The following RGS14 variants were observed in gnomAD, a reference collection of about 807,000 sequenced individuals.
RGS14 encodes regulator of G-protein signaling 14.
RGS14 carries 33 observed loss-of-function variants against 63.8 expected under a neutral mutation model. That is an observed-to-expected ratio of 0.52 (90% CI 0.39 to 0.69). RGS14 has a LOEUF of 0.69. RGS14 is among the 30% of genes least tolerant of loss of function. The pLI, the probability that RGS14 is intolerant of heterozygous loss-of-function variation, is 0.00. For missense variants in RGS14, 739 were observed against 742.9 expected (o/e 0.99, Z 0.06); for synonymous variants, 296 against 320.9 (o/e 0.92, Z 0.83).
chr5:177,369,851 A>G (rs1318675024), intron 9 of RGS14, among the ~76,000 whole-genome samples: 1 of 152,198 alleles, frequency 6.6e-6, no homozygotes, highest in African/African-American at 2.4e-5. Flanking sequence ...CATACATGCT[A>G]AATATAACTT....
rs776882208 is a variant in RGS14 at position 177,371,053 on chromosome 5, CGGGGCGGGGCG to C, written c.1254+26_1254+36del. The C allele has an allele frequency of 7.7e-6, 8 of 1,040,294 alleles. No individual in the cohort carries two copies. Among genetic ancestry groups the C allele is most frequent in the Non-Finnish European group, 9.4e-6 (8 of 853,746 alleles). 64.4% of individuals were successfully genotyped at this position (1,040,294 alleles called of 1,614,324 possible). On this transcript the variant is annotated intron_variant, in intron 11 of 14. Coordinates refer to ENST00000408923, the MANE Select transcript of RGS14 (RefSeq NM_006480.5). The surrounding 1 kb of genome is among the most constrained non-coding windows in gnomAD (Gnocchi z 6.1). Reference sequence around the variant, plus strand: ...CCGGGTGAGCTTCCGGGCCGCGGGGCGGGGCGGGGCGGGGCCGGGCCGGGGCCGGGGCCGGG... The same window carrying C: ...CCGGGTGAGCTTCCGGGCCGCGGGGCGGGCCGGGCCGGGGCCGGGGCCGGG...
At position 177,370,928 on chromosome 5, in the gene RGS14, G is replaced by T. The variant is rs753945961; in HGVS notation, c.1151G>T (p.Arg384Leu). 167 of 1,606,790 alleles carry T rather than the reference G, an allele frequency of 1.0e-4. 1 individual carries two copies. Among genetic ancestry groups the T allele is most frequent in the Non-Finnish European group, 1.2e-4 (147 of 1,179,700 alleles). Reference sequence around the variant, plus strand: ...AGGCTGGAGCTGACGGCGCTGGAGCGCGTGGTACGAATCTCAGCCAAGCCC... The same window carrying T: ...AGGCTGGAGCTGACGGCGCTGGAGCTCGTGGTACGAATCTCAGCCAAGCCC... ...TFELELTALE[R>L]VVRISAKPTK... The change falls in exon 11 of 15, where the codon CGC becomes CTC. Residue 384 changes from arginine (R) to leucine (L), a missense_variant. Coordinates refer to ENST00000408923, the MANE Select transcript of RGS14 (RefSeq NM_006480.5).
At chr5:177,361,249 A>C (rs1052862363) in intron 1 of RGS14, among the ~76,000 whole-genome samples, 3 of 152,252 alleles carry the variant, frequency 2.0e-5, no homozygotes, top group Non-Finnish European at 4.4e-5. Context: ...CCAGACACCC[A>C]GATTCTGTGT....
At chr5:177,369,476 GT>G (rs1293067226) in intron 9 of RGS14, among the ~76,000 whole-genome samples, 2 of 152,202 alleles carry the variant, frequency 1.3e-5, no homozygotes, top group African/African-American at 2.4e-5. Flanking sequence ...TGCCAGGTGT[GT>G]GGGGGAGAGG....
chr5:177,368,189 C>T lies in RGS14; in HGVS notation c.772C>T (p.Arg258Ter). Residue 258 changes from arginine (R) to a stop codon, truncating the protein, a stop_gained, in exon 8 of 15, where the codon CGA becomes TGA. Transcript: ENST00000408923. LOFTEE classifies it high-confidence loss of function. ...LGGTANAALR[R>*]ESQGSLNSSA... ...CGGGACTGCAAACGCCGCCTTGCGC[C>T]GAGAGTCTCAGGGCTCCCTCAACTC... 1.9e-6 allele frequency: 3 copies of T among 1,613,876 alleles called. No individual in the cohort carries two copies. The highest frequency in any genetic ancestry group is 1.1e-5 in the South Asian group (1 of 91,080).
Position 177,358,949 on chromosome 5 carries a change from G to A in RGS14, c.45+880G>A, listed in dbSNP as rs375569211. On this transcript the variant is annotated intron_variant, in intron 1 of 14. Transcript: ENST00000408923. The surrounding 1 kb of genome is among the most constrained non-coding windows in gnomAD (Gnocchi z 4.8). Reference sequence around the variant, plus strand: ...AGTCCTGGTTCTATTCTCTCTTACTGGAGGGAGGGTCCTCGCCAGCTCTCA... The same window carrying A: ...AGTCCTGGTTCTATTCTCTCTTACTAGAGGGAGGGTCCTCGCCAGCTCTCA... Among the ~76,000 whole-genome samples the A allele has an allele frequency of 4.6e-5, 7 of 152,304 alleles. No individual in the cohort carries two copies. The East Asian group carries it at 1.2e-3, about 25-fold the overall frequency.
intron 1 of RGS14, among the ~76,000 whole-genome samples, chr5:177,361,128 G>A (rs1761955873): frequency 1.3e-5 from 2 of 152,330 alleles, no homozygotes; most frequent in East Asian, 3.9e-4. Context: ...CAAAGCCCAT[G>A]CAGCTCTCTC....
chr5:177,363,601 A>G (rs1200694788), intron 1 of RGS14, among the ~76,000 whole-genome samples: 11 of 152,290 alleles, frequency 7.2e-5, no homozygotes, highest in African/African-American at 2.6e-4. Flanking sequence ...CACAAGAACG[A>G]CATTAATAGT....
At chr5:177,362,441 C>T (rs1382987248) in intron 1 of RGS14, among the ~76,000 whole-genome samples, 2 of 152,080 alleles carry the variant, frequency 1.3e-5, no homozygotes, top group Non-Finnish European at 2.9e-5. Context: ...GCCAGCACTC[C>T]AGGGGTGACC....
intron 1 of RGS14, among the ~76,000 whole-genome samples, chr5:177,365,046 T>C (rs1302840039): frequency 6.6e-6 from 1 of 152,090 alleles, no homozygotes; most frequent in Non-Finnish European, 1.5e-5. Flanking sequence ...CCCACGGTGG[T>C]AATGGGACCC....
rs1554094119 is a variant in RGS14, at chr5:177,371,754, C to T, written c.1499-119C>T. On this transcript the variant is annotated intron_variant, in intron 14 of 14. Coordinates refer to ENST00000408923, the MANE Select transcript of RGS14 (RefSeq NM_006480.5). This position sits in a 1 kb window ranked among gnomAD's most constrained non-coding sequence, Gnocchi z 6.1. ...GGTCAAAGGGGCTGGAACAGGGGGC[C>T]GCAGGCCATTGGTGCTGGGGCCAGG... is the stretch of plus-strand genomic sequence containing the variant. The T allele has an allele frequency of 1.3e-5, 17 of 1,266,252 alleles. No individual in the cohort carries two copies. Among genetic ancestry groups the T allele is most frequent in the Middle Eastern group, 2.7e-4 (1 of 3,656 alleles). 78.4% of individuals were successfully genotyped at this position (1,266,252 alleles called of 1,614,324 possible). A position where few individuals can be genotyped will look rare whatever the true frequency, so the allele number is the denominator to read the frequency against.
chr5:177,369,569 A>C (rs1261063513), intron 9 of RGS14, among the ~76,000 whole-genome samples: 1 of 152,220 alleles, frequency 6.6e-6, no homozygotes, highest in African/African-American at 2.4e-5. Flanking sequence ...GGAAGAGTGA[A>C]AACTCCAGAG....
At position 177,367,434 on chromosome 5, in the gene RGS14, C is replaced by T. The variant is rs1210131026; in HGVS notation, c.504C>T (p.Phe168=). 1 of 1,608,644 alleles carries T rather than the reference C, an allele frequency of 6.2e-7. No individual in the cohort carries two copies. Among genetic ancestry groups the T allele is most frequent in the Non-Finnish European group, 8.5e-7 (1 of 1,176,996 alleles). The change falls in exon 6 of 15, where the codon TTC becomes TTT. Residue 168 remains phenylalanine (F), a synonymous_variant. Transcript: ENST00000408923. The part of the protein sequence containing the change: ...QQLQIFNLMK[F]DSYARFVKSP... ...CGCAGATCTTCAACTTGATGAAGTT[C>T]GACAGCTATGCGCGCTTCGTCAAGT...
rs1024085438 is a variant in RGS14 at position 177,362,761 on chromosome 5, C to T, written c.46-3202C>T. Among the ~76,000 whole-genome samples the T allele has an allele frequency of 5.3e-5, 8 of 152,046 alleles. No homozygotes were observed. In the South Asian group the frequency reaches 1.7e-3, roughly 32 times the overall value. The stretch of plus-strand genomic sequence containing the variant: ...CCGTAACCTGGCAACCGCAACGTGC[C>T]TCCGGGGGCAGGGAAAGGGCCCGGG... On this transcript the variant is annotated intron_variant, in intron 1 of 14. Transcript: ENST00000408923.
At chr5:177,370,701 T>A in intron 10 of RGS14, 37 bp downstream of exon 10, 1 of 1,605,936 alleles carries the variant, frequency 6.2e-7, no homozygotes, top group East Asian at 2.2e-5. Context: ...TCCCAGGTCC[T>A]GACGCTCCCT....
At position 177,358,430 on chromosome 5, in the gene RGS14, C is replaced by T. The variant is rs916362245; in HGVS notation, c.45+361C>T. ...CACAGTGGCTCAAGCCCCTACATCC[C>T]GCTCAGCCTGAGTCCTCCCCTCCTC... On this transcript the variant is annotated intron_variant, in intron 1 of 14. Transcript: ENST00000408923. This position sits in a 1 kb window ranked among gnomAD's most constrained non-coding sequence, Gnocchi z 4.8. 2.0e-5 allele frequency among the ~76,000 whole-genome samples: 3 copies of T among 152,200 alleles called. No homozygotes were observed. Among genetic ancestry groups the T allele is most frequent in the Non-Finnish European group, 2.9e-5 (2 of 68,026 alleles).
chr5:177,371,445 G>A lies in RGS14; in HGVS notation c.1384-30G>A, dbSNP rs534239104. ...TTCCACCCTCTGCTTCTCCCCTCCCGATTTTGGCTCTGACCCCAAATTCTC... is the reference window on the plus strand; with the variant it reads ...TTCCACCCTCTGCTTCTCCCCTCCCAATTTTGGCTCTGACCCCAAATTCTC... On this transcript the variant is annotated intron_variant, in intron 13 of 14. Coordinates refer to ENST00000408923, the MANE Select transcript of RGS14 (RefSeq NM_006480.5). This position sits in a 1 kb window ranked among gnomAD's most constrained non-coding sequence, Gnocchi z 6.1. The A allele has an allele frequency of 1.9e-6, 3 of 1,614,062 alleles. No individual in the cohort carries two copies. The highest frequency in any genetic ancestry group is 1.1e-5 in the South Asian group (1 of 91,078).
Position 177,370,639 on chromosome 5 carries a change from C to G in RGS14, c.1102C>G (p.Arg368Gly). The G allele has an allele frequency of 6.2e-7, 1 of 1,614,006 alleles. No homozygotes were observed. Among genetic ancestry groups the G allele is most frequent in the Non-Finnish European group, 8.5e-7 (1 of 1,179,936 alleles). The stretch of plus-strand genomic sequence containing the variant: ...CACCGTGCTGGCGGATCAGGAAGTG[C>G]GGCTGGAAAACAGGATCACCTTCGA... ...DCTVLADQEV[R>G]LENRITFELE... The change falls in exon 10 of 15, where the codon CGG becomes GGG. Residue 368 changes from arginine (R) to glycine (G), a missense_variant. Physicochemically the swap from Arg to Gly is moderately radical, Grantham distance 125 (BLOSUM62 -2). Transcript: ENST00000408923.
In RGS14 at chr5:177,366,775, A is replaced by G. The variant is rs781240549; in HGVS notation, c.314A>G (p.Gln105Arg). The G allele has an allele frequency of 6.2e-7, 1 of 1,614,144 alleles. No individual in the cohort carries two copies. The highest frequency in any genetic ancestry group is 8.5e-7 in the Non-Finnish European group (1 of 1,180,012). ...TFWKACERFQQIPASDTQQLA... is the reference protein window; with the variant it reads ...TFWKACERFQRIPASDTQQLA... The stretch of plus-strand genomic sequence containing the variant: ...TGGAAGGCCTGCGAGCGCTTCCAGC[A>G]GATCCCGGCCAGCGATACCCAGCAG... The change falls in exon 4 of 15, where the codon CAG becomes CGG. Residue 105 changes from glutamine (Q) to arginine (R), a missense_variant. Gln to Arg is a conservative substitution (Grantham distance 43). Transcript: ENST00000408923.
Sources: gnomAD v4.1 joint callset for allele counts (sites outside exome capture counted in the v4.1 genomes callset) on GRCh38, gnomAD v4.1.1 for gene constraint, Gnocchi (gnomAD v3.1) non-coding constraint, MANE v1.5 for transcripts, NCBI Gene and HGNC (gene_info 2026-07-23, HGNC 2026-07-21) for gene names.